The following ZNF827 variants were observed in gnomAD, a reference collection of about 807,000 sequenced individuals.
The protein encoded by ZNF827 is zinc finger protein 827.
A neutral mutation model predicts 102.4 loss-of-function variants in ZNF827; 13 were observed. The observed-to-expected ratio is 0.13, with a 90% CI of 0.08 to 0.20. The LOEUF (loss-of-function observed/expected upper bound fraction) is 0.20, where lower values mean the gene tolerates loss of function less well. ZNF827 is among the 10% of genes least tolerant of loss of function. The pLI is 1.00. For synonymous variants in ZNF827, 523 were observed against 536.2 expected (o/e 0.98, Z 0.34); for missense variants, 1,103 against 1,344.4 (o/e 0.82, Z 2.81).
At chr4:145,877,016 C>T (rs973348643) in intron 4 of ZNF827, among the ~76,000 whole-genome samples, 5 of 151,990 alleles carry the variant, frequency 3.3e-5, no homozygotes, top group African/African-American at 1.2e-4. Context: ...ACTGGAGTGT[C>T]ACATTTTGTG....
At chr4:145,914,518 C>A (rs546252998) in intron 1 of ZNF827, among the ~76,000 whole-genome samples, 1 of 152,340 alleles carries the variant, frequency 6.6e-6, no homozygotes, top group Admixed American at 6.5e-5. Context: ...TCCTACTAGG[C>A]TTTGTGCCAG....
intron 4 of ZNF827, among the ~76,000 whole-genome samples, chr4:145,884,889 C>G (rs1311182580): frequency 6.6e-6 from 1 of 151,722 alleles, no homozygotes; most frequent in Non-Finnish European, 1.5e-5. Context: ...TTAAATTCCA[C>G]TTTATATGAG....
intron 4 of ZNF827, among the ~76,000 whole-genome samples, chr4:145,879,930 G>A (rs1416755703): frequency 1.3e-5 from 2 of 152,120 alleles, no homozygotes; most frequent in Non-Finnish European, 2.9e-5. Context: ...CACACTGCCT[G>A]GATTAGAATC....
intron 1 of ZNF827, among the ~76,000 whole-genome samples, chr4:145,903,932 C>A (rs1011257553): frequency 3.3e-5 from 5 of 152,178 alleles, no homozygotes; most frequent in African/African-American, 9.7e-5. Flanking sequence ...GTTATGCATG[C>A]TACCTATTTG....
At chr4:145,811,120 T>C (rs1741967748) in intron 8 of ZNF827, among the ~76,000 whole-genome samples, 1 of 151,686 alleles carries the variant, frequency 6.6e-6, no homozygotes, top group Non-Finnish European at 1.5e-5. Context: ...GCCTCCTGAG[T>C]AGCTGGGATT....
intron 11 of ZNF827, among the ~76,000 whole-genome samples, chr4:145,769,743 C>G (rs772726363): frequency 2.9e-4 from 44 of 152,302 alleles, no homozygotes; most frequent in South Asian, 2.1e-4. Flanking sequence ...TCACAAAGAT[C>G]TTGGTGAAGG....
In ZNF827 at chr4:145,827,605, T is replaced by G. The variant is rs186661211; in HGVS notation, c.2280-4080A>C. ...AAGAGGTCGTTAGCTGTTTGTAAGC[T>G]TCTATTTCGCCAAAGCTGTAAAGCA... On this transcript the variant is annotated intron_variant, in intron 7 of 14. Coordinates refer to ENST00000508784, the MANE Select transcript of ZNF827 (RefSeq NM_001306215.2). 6.1e-3 allele frequency among the ~76,000 whole-genome samples: 926 copies of G among 152,310 alleles called. 4 individuals are homozygous for G. The highest frequency in any genetic ancestry group is 9.8e-3 in the Non-Finnish European group (667 of 68,014).
At chr4:145,776,561 C>T (rs1256281428) in intron 9 of ZNF827, among the ~76,000 whole-genome samples, 1 of 151,690 alleles carries the variant, frequency 6.6e-6, no homozygotes. Flanking sequence ...TAAGGTAAGC[C>T]CCACACAGGG....
chr4:145,905,147 G>T (rs4835268), intron 1 of ZNF827, among the ~76,000 whole-genome samples: 20,542 of 152,204 alleles, frequency 0.13, 1,491 homozygotes, highest in Middle Eastern at 0.18. Flanking sequence ...GGCAGGAATT[G>T]TATTTTATTA....
At chr4:145,843,057 A>G (rs1487010404) in intron 7 of ZNF827, among the ~76,000 whole-genome samples, 1 of 152,224 alleles carries the variant, frequency 6.6e-6, no homozygotes, top group Non-Finnish European at 1.5e-5. Context: ...GGAAAGAAGA[A>G]AGAAAATTGG....
chr4:145,889,687 C>T (rs973666006), intron 3 of ZNF827, among the ~76,000 whole-genome samples: 1 of 151,774 alleles, frequency 6.6e-6, no homozygotes, highest in African/African-American at 2.4e-5. Flanking sequence ...TTAAGAAAAT[C>T]TGTCCACGGC....
chr4:145,849,955 C>T (rs1579369426), intron 5 of ZNF827, among the ~76,000 whole-genome samples: 1 of 152,084 alleles, frequency 6.6e-6, no homozygotes, highest in East Asian at 1.9e-4. Context: ...AGAACTTATT[C>T]AATTCAGTGA....
intron 3 of ZNF827, 79 bp from the exon 4 acceptor site, chr4:145,886,237 C>G: frequency 6.7e-7 from 1 of 1,491,060 alleles, no homozygotes; most frequent in Non-Finnish European, 8.9e-7. Flanking sequence ...GACTATTCAT[C>G]AATCATTTCC....
intron 1 of ZNF827, among the ~76,000 whole-genome samples, chr4:145,924,862 A>AGAT (rs1753316701): frequency 6.6e-6 from 1 of 152,180 alleles, no homozygotes; most frequent in African/African-American, 2.4e-5. Context: ...CCCTTATCTT[A>AGAT]GTGTCTCTCA....
rs1191383338 is a variant in ZNF827 at position 145,902,255 on chromosome 4, G to A, written c.1004C>T (p.Pro335Leu). The change falls in exon 2 of 15, where the codon CCT (proline) becomes CTT (leucine). Residue 335 changes from proline (P) to leucine (L), a missense_variant. By Grantham distance (98) the Pro-to-Leu change is moderately conservative (BLOSUM62 -3). Transcript: ENST00000508784. The surrounding 1 kb of genome is among the most constrained non-coding windows in gnomAD (Gnocchi z 4.3). ...EKVTPPPPPP[P>L]PPPPPPPPQS... ...TGGTGGTGGTGGTGGAGGTGGTGGA[G>A]GTGGCGGTGGAGGTGGCGGAGTGAC... The A allele has an allele frequency of 5.0e-6, 8 of 1,597,598 alleles. No individual in the cohort carries two copies. The highest frequency in any genetic ancestry group is 1.1e-5 in the South Asian group (1 of 87,398).
At chr4:145,872,316 T>C (rs960507772) in intron 4 of ZNF827, among the ~76,000 whole-genome samples, 3 of 151,694 alleles carry the variant, frequency 2.0e-5, no homozygotes, top group African/African-American at 7.3e-5. Context: ...ACCAGAAGAA[T>C]AAGAAGAGAG....
rs914869037 is a variant in ZNF827 at position 145,760,846 on chromosome 4, C to G, written c.*770G>C. 62 of 1,206,916 alleles carry G rather than the reference C, an allele frequency of 5.1e-5. No individual in the cohort carries two copies. Among genetic ancestry groups the G allele is most frequent in the Non-Finnish European group, 6.3e-5 (60 of 950,022 alleles). 74.8% of individuals were successfully genotyped at this position (1,206,916 alleles called of 1,614,324 possible). On this transcript the variant is annotated 3_prime_UTR_variant, in exon 15 of 15. Transcript: ENST00000508784. ...GAAGGAGTGTTTGGGTGAGGGGATG[C>G]TGGGAGGCGCAGTCTGAGGTCGGGG... is the stretch of plus-strand genomic sequence containing the variant.
Position 145,765,231 on chromosome 4 carries a change from C to T in ZNF827, c.3053-66G>A, listed in dbSNP as rs1013394667. The T allele has an allele frequency of 6.7e-7, 1 of 1,482,986 alleles. No homozygotes were observed. The highest frequency in any genetic ancestry group is 9.0e-7 in the Non-Finnish European group (1 of 1,108,424). 91.9% of individuals were successfully genotyped at this position (1,482,986 alleles called of 1,614,324 possible). ...CGGGGAGAGGAGGGCAGGAGTGGAG[C>T]CAAGCTCCTCCCCACTTCCTCCCGC... On this transcript the variant is annotated intron_variant, in intron 12 of 14. Transcript: ENST00000508784. This position sits in a 1 kb window ranked among gnomAD's most constrained non-coding sequence, Gnocchi z 4.7.
chr4:145,867,307 C>A (rs1265802376), intron 5 of ZNF827, among the ~76,000 whole-genome samples: 1 of 152,182 alleles, frequency 6.6e-6, no homozygotes, highest in Non-Finnish European at 1.5e-5. Context: ...AAAAATTGAG[C>A]CTACTCTAGC....
Sources: allele counts gnomAD v4.1 joint callset (sites outside exome capture counted in the v4.1 genomes callset), GRCh38; gene constraint gnomAD v4.1.1; non-coding constraint Gnocchi (gnomAD v3.1); transcripts MANE v1.5; gene names NCBI Gene and HGNC (gene_info 2026-07-23, HGNC 2026-07-21).